Variants in HSPA12A observed in about 807,000 individuals in gnomAD.
HSPA12A encodes heat shock 70 kDa protein 12A.
A neutral mutation model predicts 69.2 loss-of-function variants in HSPA12A; 28 were observed. The ratio of observed to expected loss-of-function variants is 0.40; its 90% CI spans 0.30 to 0.55. HSPA12A has a LOEUF of 0.55. Ranked by LOEUF, HSPA12A falls within the 20% of genes least tolerant of loss-of-function variation. The probability of loss-of-function intolerance (pLI) is 0.38; values close to 1 mark genes in which losing one functional copy is unlikely to be tolerated. For synonymous variants in HSPA12A, 345 were observed against 370.5 expected (o/e 0.93, Z 0.79); for missense variants, 686 against 900.7 (o/e 0.76, Z 3.05).
At chr10:116,739,887 C>G (rs952984316) in intron 1 of HSPA12A, among the ~76,000 whole-genome samples, 2 of 152,130 alleles carry the variant, frequency 1.3e-5, no homozygotes, top group Non-Finnish European at 2.9e-5. Context: ...ACTCCCCACC[C>G]CACCCCAACT....
At chr10:116,849,606 A>AG in exon 1 of HSPA12A, 1 of 1,549,748 alleles carries the variant, frequency 6.5e-7, no homozygotes. Flanking sequence ...TGGGACCACT[A>AG]GGGAGCTGCA....
In HSPA12A at chr10:116,700,876, C is replaced by T; in HGVS notation, c.441+67G>A. 1.0e-5 allele frequency: 16 copies of T among 1,537,306 alleles called. No individual in the cohort carries two copies. The South Asian group carries it at 1.8e-4, about 17-fold the overall frequency. ...GGTTGGGAGGACATCCCTTCCCCAC[C>T]CCAAGGCTGGAGGAAGCTTGGCACT... On this transcript the variant is annotated intron_variant, in intron 4 of 11. Transcript: ENST00000369209.
intron 5 of HSPA12A, among the ~76,000 whole-genome samples, chr10:116,697,244 A>G (rs1451909248): frequency 3.3e-5 from 5 of 152,152 alleles, no homozygotes; most frequent in Non-Finnish European, 5.9e-5. Context: ...ATCTTTTTGG[A>G]TAAAGCTCAA....
At chr10:116,844,916 G>A (rs576627503) in intron 1 of HSPA12A, among the ~76,000 whole-genome samples, 2 of 152,330 alleles carry the variant, frequency 1.3e-5, no homozygotes, top group African/African-American at 4.8e-5. Flanking sequence ...ACATAGCTTA[G>A]AAATTCTTTT....
intron 2 of HSPA12A, among the ~76,000 whole-genome samples, chr10:116,797,569 G>A (rs997944068): frequency 2.0e-5 from 3 of 152,206 alleles, no homozygotes; most frequent in Admixed American, 2.0e-4. Flanking sequence ...CACGTCTCCT[G>A]CCTCCAAATG....
intron 1 of HSPA12A, among the ~76,000 whole-genome samples, chr10:116,717,894 C>T (rs782768087): frequency 1.6e-4 from 25 of 152,136 alleles, no homozygotes; most frequent in Admixed American, 9.2e-4. Flanking sequence ...ACGTGAGGGC[C>T]GGTGCTGCCA....
At chr10:116,729,440 T>A (rs1175362578) in intron 1 of HSPA12A, among the ~76,000 whole-genome samples, 1 of 152,148 alleles carries the variant, frequency 6.6e-6, no homozygotes, top group Non-Finnish European at 1.5e-5. Context: ...ATGACTACAG[T>A]TGACCTTTGA....
chr10:116,839,624 A>C (rs892670073), intron 1 of HSPA12A, among the ~76,000 whole-genome samples: 6 of 151,520 alleles, frequency 4.0e-5, no homozygotes, highest in Non-Finnish European at 5.9e-5. Flanking sequence ...AAAAAAAAAA[A>C]AAAAAACCTA....
intron 2 of HSPA12A, among the ~76,000 whole-genome samples, chr10:116,834,149 A>T (rs1845669265): frequency 6.6e-6 from 1 of 152,206 alleles, no homozygotes; most frequent in South Asian, 2.1e-4. Context: ...AAACATGACC[A>T]GCCCAACCTT....
chr10:116,795,342 A>G (rs1477691800), intron 2 of HSPA12A, among the ~76,000 whole-genome samples: 1 of 152,234 alleles, frequency 6.6e-6, no homozygotes, highest in Non-Finnish European at 1.5e-5. Flanking sequence ...CAGGTAATGT[A>G]GTTTTACATT....
chr10:116,776,378 T>G (rs1844339517), intron 2 of HSPA12A, among the ~76,000 whole-genome samples: 1 of 152,238 alleles, frequency 6.6e-6, no homozygotes. Flanking sequence ...CTCCTCTGCC[T>G]TCCTGTCTCC....
intron 2 of HSPA12A, among the ~76,000 whole-genome samples, chr10:116,706,619 T>C (rs1042731288): frequency 2.6e-5 from 4 of 152,140 alleles, no homozygotes; most frequent in Admixed American, 2.6e-4. Context: ...TGCATCTACG[T>C]GCACACCCCT....
At chr10:116,835,150 T>A in intron 1 of HSPA12A, 1 of 437,200 alleles carries the variant, frequency 2.3e-6, no homozygotes, top group Non-Finnish European at 3.6e-6. Flanking sequence ...AAGCAAAGAT[T>A]TAGGTGGGCG....
At chr10:116,848,745 G>A (rs374490601) in intron 1 of HSPA12A, among the ~76,000 whole-genome samples, 2 of 152,078 alleles carry the variant, frequency 1.3e-5, no homozygotes, top group Non-Finnish European at 2.9e-5. Flanking sequence ...GTGAGCCAAG[G>A]CCATTCCCCC....
intron 2 of HSPA12A, among the ~76,000 whole-genome samples, chr10:116,779,319 C>G (rs1404785226): frequency 6.6e-6 from 1 of 152,154 alleles, no homozygotes; most frequent in Non-Finnish European, 1.5e-5. Flanking sequence ...GAGACAAGCA[C>G]CTACTGAGGA....
rs530800736 is a variant in HSPA12A, at chr10:116,710,150, T to C, written c.41-2865A>G. Among the ~76,000 whole-genome samples the C allele has an allele frequency of 9.1e-4, 138 of 152,268 alleles. No individual in the cohort carries two copies. Among genetic ancestry groups the C allele is most frequent in the African/African-American group, 3.3e-3 (137 of 41,556 alleles). The stretch of plus-strand genomic sequence containing the variant: ...GCCAGATGGTCCTTCCACCTGTTGG[T>C]GAGAGGTCCTCCCTGCCCACAGCCC... On this transcript the variant is annotated intron_variant, in intron 1 of 11. Transcript: ENST00000369209. The surrounding 1 kb of genome is among the most constrained non-coding windows in gnomAD (Gnocchi z 4.1).
At chr10:116,771,803 A>G (rs1844218047) in intron 2 of HSPA12A, among the ~76,000 whole-genome samples, 2 of 151,758 alleles carry the variant, frequency 1.3e-5, no homozygotes, top group Non-Finnish European at 1.5e-5. Flanking sequence ...GACAATGGTG[A>G]GAGTGCACCC....
rs531927989 is a variant in HSPA12A, at chr10:116,763,951, G to A, written c.92-56666C>T. 1.3e-4 allele frequency among the ~76,000 whole-genome samples: 20 copies of A among 152,212 alleles called. No homozygotes were observed. In the South Asian group the frequency reaches 4.0e-3, roughly 30 times the overall value. ...TGATAGGACCATGGCGTTATTGGGG[G>A]GGCGGTCGGCAATGAGCCTCTCTCA... On this transcript the variant is annotated intron_variant, in intron 2 of 12. Transcript: ENST00000635765.
upstream of HSPA12A, among the ~76,000 whole-genome samples, chr10:116,746,935 G>A (rs72829673): frequency 0.031 from 4,746 of 152,292 alleles, 90 homozygotes; most frequent in East Asian, 0.07. Context: ...CCAGCGGAAC[G>A]TTGTCCATGA....
Sources: allele counts gnomAD v4.1 joint callset (sites outside exome capture counted in the v4.1 genomes callset), GRCh38; gene constraint gnomAD v4.1.1; non-coding constraint Gnocchi (gnomAD v3.1); transcripts MANE v1.5; gene names NCBI Gene and HGNC (gene_info 2026-07-23, HGNC 2026-07-21).